RSBN1L: variants seen among roughly 807,000 people sequenced by gnomAD.
RSBN1L encodes lysine-specific demethylase RSBN1L.
A neutral mutation model predicts 67.7 loss-of-function variants in RSBN1L; 30 were observed. That is an observed-to-expected ratio of 0.44 (90% confidence interval 0.33 to 0.60). The LOEUF (loss-of-function observed/expected upper bound fraction) is 0.60, where lower values mean the gene tolerates loss of function less well. Ranked by LOEUF, RSBN1L falls within the 20% of genes least tolerant of loss-of-function variation. The pLI, the probability that RSBN1L is intolerant of heterozygous loss-of-function variation, is 0.02. For synonymous variants in RSBN1L, 433 were observed against 387.0 expected, an observed-to-expected ratio of 1.12 and a Z score of -1.39; for missense variants, 992 against 1,031.7, an observed-to-expected ratio of 0.96 and a Z score of 0.53.
At chr7:77,732,372 G>T (rs1562799869) in intron 1 of RSBN1L, among the ~76,000 whole-genome samples, 1 of 151,948 alleles carries the variant, frequency 6.6e-6, no homozygotes, top group Non-Finnish European at 1.5e-5. Flanking sequence ...TCACTCTGTT[G>T]CCCAGGCTGG....
At position 77,704,960 on chromosome 7, in the gene RSBN1L, CAA is replaced by C. The variant is rs1790867616; in HGVS notation, c.586+7906_586+7907del. Among the ~76,000 whole-genome samples, 3 of 148,226 alleles carry C rather than the reference CAA, an allele frequency of 2.0e-5. No homozygotes were observed. The South Asian group carries it at 6.4e-4, about 32-fold the overall frequency. On this transcript the variant is annotated intron_variant, in intron 1 of 7. Transcript: ENST00000334955. ...GCACTTGACCCTGGGCGACAGGCAA[CAA>C]GAGTGAAACTGTCTCAAAAAAAAAA...
intron 1 of RSBN1L, among the ~76,000 whole-genome samples, chr7:77,711,271 C>T (rs1790969692): frequency 6.6e-6 from 1 of 150,908 alleles, no homozygotes; most frequent in African/African-American, 2.4e-5. Flanking sequence ...TCTAACTGCA[C>T]ATAGTTGAAA....
At chr7:77,766,303 G>A (rs1791765565) in intron 4 of RSBN1L, among the ~76,000 whole-genome samples, 1 of 152,192 alleles carries the variant, frequency 6.6e-6, no homozygotes. Flanking sequence ...TCCCACGTCA[G>A]CCTCCCAAGT....
At chr7:77,698,799 A>T (rs1023370600) in intron 1 of RSBN1L, among the ~76,000 whole-genome samples, 2 of 152,112 alleles carry the variant, frequency 1.3e-5, no homozygotes, top group African/African-American at 4.8e-5. Context: ...ACACTACTGT[A>T]AGATTTTCAT....
intron 1 of RSBN1L, among the ~76,000 whole-genome samples, chr7:77,722,789 G>C (rs1305482910): frequency 6.6e-6 from 1 of 151,824 alleles, no homozygotes; most frequent in Non-Finnish European, 1.5e-5. Flanking sequence ...GAATGTCATT[G>C]TTGTCGTTCA....
At chr7:77,721,828 G>A (rs879529056) in intron 1 of RSBN1L, among the ~76,000 whole-genome samples, 7 of 152,252 alleles carry the variant, frequency 4.6e-5, no homozygotes, top group East Asian at 1.9e-4. Flanking sequence ...TTATTCATTC[G>A]TTTTAAGCAG....
At chr7:77,708,066 G>C (rs117970306) in intron 1 of RSBN1L, among the ~76,000 whole-genome samples, 1 of 152,154 alleles carries the variant, frequency 6.6e-6, no homozygotes, top group African/African-American at 2.4e-5. Flanking sequence ...CAAATACCTT[G>C]CAAACTTTGT....
chr7:77,730,316 C>T (rs908493298), intron 1 of RSBN1L, among the ~76,000 whole-genome samples: 2 of 152,144 alleles, frequency 1.3e-5, no homozygotes, highest in East Asian at 3.8e-4. Context: ...TATCCTCTCC[C>T]CCGACACTTG....
chr7:77,779,560 G>A lies in RSBN1L; in HGVS notation c.*392G>A, dbSNP rs918805311. The A allele has an allele frequency of 1.3e-5, 2 of 150,284 alleles. No homozygotes were observed. Among genetic ancestry groups the A allele is most frequent in the Non-Finnish European group, 3.0e-5 (2 of 67,614 alleles). 9.3% of individuals were successfully genotyped at this position (150,284 alleles called of 1,614,324 possible). A position where few individuals can be genotyped will look rare whatever the true frequency, so the allele number is the denominator to read the frequency against. The stretch of plus-strand genomic sequence containing the variant: ...TATATCCTTTTTTTTCATTTTAAAT[G>A]TGTCAGCACTGTAGTGTAAATAGCT... On this transcript the variant is annotated 3_prime_UTR_variant, in exon 8 of 8. Coordinates refer to ENST00000334955, the MANE Select transcript of RSBN1L (RefSeq NM_198467.3).
At chr7:77,708,749 T>C (rs1790928892) in intron 1 of RSBN1L, among the ~76,000 whole-genome samples, 1 of 152,140 alleles carries the variant, frequency 6.6e-6, no homozygotes, top group South Asian at 2.1e-4. Context: ...ATATTCAAAT[T>C]GGTATTTTAG....
At chr7:77,722,847 C>T (rs1011085564) in intron 1 of RSBN1L, among the ~76,000 whole-genome samples, 3 of 151,830 alleles carry the variant, frequency 2.0e-5, no homozygotes, top group Non-Finnish European at 4.4e-5. Context: ...AATTATGGCT[C>T]ATGGCTCATA....
Position 77,696,559 on chromosome 7 carries a change from A to C in RSBN1L, c.90A>C (p.Gln30His), listed in dbSNP as rs199771986. ...AGAAAGAACCGTTTGGCAAGCTGCA[A>C]CTCTCCTCCCGGGACCCTCCGGGTT... ...VSEKEPFGKL[Q>H]LSSRDPPGSL... The change falls in exon 1 of 8, where the codon CAA (glutamine) becomes CAC (histidine). Residue 30 changes from glutamine (Q) to histidine (H), a missense_variant. Coordinates refer to ENST00000334955, the MANE Select transcript of RSBN1L (RefSeq NM_198467.3). 1.5e-5 allele frequency: 25 copies of C among 1,613,682 alleles called. No homozygotes were observed. Among genetic ancestry groups the C allele is most frequent in the African/African-American group, 2.7e-5 (2 of 74,846 alleles).
At chr7:77,739,581 C>T (rs548358179) in intron 2 of RSBN1L, among the ~76,000 whole-genome samples, 72 of 150,350 alleles carry the variant, frequency 4.8e-4, no homozygotes, top group African/African-American at 1.7e-3. Flanking sequence ...GGCGTGGTGG[C>T]GCTCGTCTGT....
At chr7:77,712,224 T>C (rs1790984668) in intron 1 of RSBN1L, among the ~76,000 whole-genome samples, 1 of 151,270 alleles carries the variant, frequency 6.6e-6, no homozygotes, top group African/African-American at 2.4e-5. Context: ...AGTATATACA[T>C]GTATATAATT....
chr7:77,782,329 T>C lies in RSBN1L; in HGVS notation c.*3161T>C, dbSNP rs1197471869. 2.0e-5 allele frequency: 3 copies of C among 152,204 alleles called. No homozygotes were observed. The highest frequency in any genetic ancestry group is 7.2e-5 in the African/African-American group (3 of 41,426). The allele number at this position is 152,204 out of a possible 1,614,324, so 9.4% of individuals were successfully genotyped here. A position where few individuals can be genotyped will look rare whatever the true frequency, so the allele number is the denominator to read the frequency against. ...TACTATATAGAATAAAGAATTGTTA[T>C]GTAAATTATTAAATGAGTATACAGA... On this transcript the variant is annotated 3_prime_UTR_variant, in exon 8 of 8. Coordinates refer to ENST00000334955, the MANE Select transcript of RSBN1L (RefSeq NM_198467.3).
At chr7:77,767,180 C>CA (rs1341356791) in intron 4 of RSBN1L, among the ~76,000 whole-genome samples, 2 of 151,834 alleles carry the variant, frequency 1.3e-5, no homozygotes, top group Non-Finnish European at 2.9e-5. Flanking sequence ...CCTCCTGCTT[C>CA]AGCCTCCCAA....
chr7:77,723,702 G>A (rs1239444977), intron 1 of RSBN1L, among the ~76,000 whole-genome samples: 3 of 152,090 alleles, frequency 2.0e-5, no homozygotes, highest in Non-Finnish European at 4.4e-5. Context: ...TTGGGAGGCC[G>A]AGGTGGGAGG....
At chr7:77,734,508 A>G (rs1305780130) in intron 1 of RSBN1L, among the ~76,000 whole-genome samples, 1 of 151,312 alleles carries the variant, frequency 6.6e-6, no homozygotes. Context: ...TTTTTTTCCA[A>G]GATGTAATCT....
chr7:77,741,396 G>T (rs943212817), intron 2 of RSBN1L, among the ~76,000 whole-genome samples: 2 of 151,874 alleles, frequency 1.3e-5, no homozygotes, highest in Non-Finnish European at 2.9e-5. Context: ...TTCTGTTACA[G>T]AATTATAGAT....
Sources: allele counts gnomAD v4.1 joint callset (sites outside exome capture counted in the v4.1 genomes callset), GRCh38; gene constraint gnomAD v4.1.1; transcripts MANE v1.5; gene names NCBI Gene and HGNC (gene_info 2026-07-23, HGNC 2026-07-21).